The following CADPS variants were observed in gnomAD, a reference collection of about 807,000 sequenced individuals.
CADPS encodes the protein calcium-dependent secretion activator 1.
In CADPS, 57 loss-of-function variants were observed where a neutral mutation model predicts 167.3. The observed-to-expected ratio is 0.34, with a 90% CI of 0.28 to 0.42. CADPS has a LOEUF of 0.42. Among genes scored for constraint, CADPS ranks in the 20% least tolerant of loss-of-function variants. The pLI, the probability that CADPS is intolerant of heterozygous loss-of-function variation, is 1.00. For missense variants in CADPS, 1,414 were observed against 1,738.1 expected, an observed-to-expected ratio of 0.81 and a Z score of 3.32; for synonymous variants, 676 against 635.3, an observed-to-expected ratio of 1.06 and a Z score of -0.96.
chr3:62,794,419 T>C (rs946352836), intron 1 of CADPS, among the ~76,000 whole-genome samples: 11 of 152,154 alleles, frequency 7.2e-5, no homozygotes, highest in African/African-American at 2.7e-4. Context: ...CTGTCTCCAC[T>C]ATACAGATGA....
At position 62,471,445 on chromosome 3, in the gene CADPS, A is replaced by G. The variant is rs574960858; in HGVS notation, c.3477+2728T>C. On this transcript the variant is annotated intron_variant, in intron 24 of 29. Transcript: ENST00000383710. ...TTTTTTTCCCCTGAGAAATGGCTCCATACCTTTTTTTATATTCTCAGTGAA... is the reference window on the plus strand; with the variant it reads ...TTTTTTTCCCCTGAGAAATGGCTCCGTACCTTTTTTTATATTCTCAGTGAA... Among the ~76,000 whole-genome samples the G allele has an allele frequency of 3.9e-5, 6 of 152,270 alleles. No homozygotes were observed. In the East Asian group the frequency reaches 9.7e-4, roughly 25 times the overall value.
chr3:62,493,648 T>G lies in CADPS; in HGVS notation c.2724A>C (p.Gly908=), dbSNP rs886371726. The G allele has an allele frequency of 1.3e-6, 2 of 1,555,692 alleles. No homozygotes were observed. Among genetic ancestry groups the G allele is most frequent in the Non-Finnish European group, 1.7e-6 (2 of 1,148,312 alleles). ...EHHAEPHVDK[G]EAFAWWSDLM... is the part of the protein sequence containing the mutation. ...CACGAGATTTCACTTTACTTACTTC[T>G]CCTTTATCAACATGTGGCTGGTTTG... is the stretch of plus-strand genomic sequence containing the variant. Residue 908 remains glycine, a synonymous_variant, in exon 19 of 30, where the codon GGA becomes GGC. Transcript: ENST00000383710.
intron 18 of CADPS, among the ~76,000 whole-genome samples, chr3:62,497,305 C>A (rs2064979820): frequency 6.6e-6 from 1 of 152,136 alleles, no homozygotes; most frequent in Non-Finnish European, 1.5e-5. Context: ...CTTAAAAGCA[C>A]AATTGTGACT....
At chr3:62,776,362 C>T (rs1242684366) in intron 1 of CADPS, among the ~76,000 whole-genome samples, 1 of 152,138 alleles carries the variant, frequency 6.6e-6, no homozygotes, top group Admixed American at 6.5e-5. Context: ...GGTTTAAGAA[C>T]ATGCAGAATT....
intron 8 of CADPS, among the ~76,000 whole-genome samples, chr3:62,584,840 T>C (rs1291665411): frequency 6.6e-6 from 1 of 152,244 alleles, no homozygotes; most frequent in African/African-American, 2.4e-5. Flanking sequence ...GTGAGTCATA[T>C]GCAGAGTTTG....
chr3:62,861,715 G>A (rs1020057667), intron 1 of CADPS, among the ~76,000 whole-genome samples: 7 of 152,140 alleles, frequency 4.6e-5, no homozygotes, highest in Non-Finnish European at 8.8e-5. Context: ...GTTCTCCATT[G>A]CCTACAGTGT....
chr3:62,756,568 G>A (rs2083972748), intron 2 of CADPS, among the ~76,000 whole-genome samples: 1 of 152,158 alleles, frequency 6.6e-6, no homozygotes, highest in South Asian at 2.1e-4. Context: ...GAGTCCAACT[G>A]ACATAATCCT....
intron 8 of CADPS, among the ~76,000 whole-genome samples, chr3:62,575,041 T>C (rs981934791): frequency 5.9e-5 from 9 of 152,328 alleles, no homozygotes; most frequent in African/African-American, 1.7e-4. Context: ...ACTAGCAAGA[T>C]TGTAACAGCC....
chr3:62,492,578 A>C, intron 19 of CADPS, 132 bp from the exon 20 acceptor site: 2 of 886,534 alleles, frequency 2.3e-6, no homozygotes, highest in Non-Finnish European at 3.6e-6. Context: ...TTTATTGTAA[A>C]GAGAACAGAA....
At chr3:62,679,134 T>C (rs1490701301) in intron 3 of CADPS, among the ~76,000 whole-genome samples, 1 of 151,974 alleles carries the variant, frequency 6.6e-6, no homozygotes, top group Admixed American at 6.6e-5. Context: ...CTGTTGAAAG[T>C]CTGCTTTGCA....
chr3:62,779,831 A>G (rs1041658181), intron 1 of CADPS: 1 of 239,542 alleles, frequency 4.2e-6, no homozygotes, highest in Non-Finnish European at 8.3e-6. Flanking sequence ...TTTTCAATGC[A>G]GTTTTAGAAG....
At chr3:62,711,483 C>T (rs2083381225) in intron 3 of CADPS, among the ~76,000 whole-genome samples, 1 of 152,216 alleles carries the variant, frequency 6.6e-6, no homozygotes, top group African/African-American at 2.4e-5. Context: ...AATTCATAGA[C>T]TCCTCCAAAA....
chr3:62,711,942 A>G (rs1343959168), intron 3 of CADPS, among the ~76,000 whole-genome samples: 2 of 152,350 alleles, frequency 1.3e-5, no homozygotes, highest in Non-Finnish European at 2.9e-5. Context: ...TAAAACATCT[A>G]GAAATACATA....
At chr3:62,678,562 C>T (rs147679740) in intron 3 of CADPS, among the ~76,000 whole-genome samples, 4 of 152,082 alleles carry the variant, frequency 2.6e-5, no homozygotes, top group African/African-American at 9.6e-5. Context: ...GCAATGAATT[C>T]ATTTTACAGA....
In CADPS at chr3:62,512,781, G is replaced by C. The variant is rs2068116431; in HGVS notation, c.2582-13C>G. The stretch of plus-strand genomic sequence containing the variant: ...TCCTTTTGATTCTCTATTTGAAAGA[G>C]AGAGCACAACAAGGAGAGAAGAGAG... On this transcript the variant is annotated splice_polypyrimidine_tract_variant and intron_variant, in intron 16 of 29. Transcript: ENST00000383710. 2 of 1,603,804 alleles carry C rather than the reference G, an allele frequency of 1.2e-6. No individual in the cohort carries two copies. Among genetic ancestry groups the C allele is most frequent in the Admixed American group, 1.7e-5 (1 of 59,440 alleles).
chr3:62,720,850 C>G (rs2075651164), intron 3 of CADPS, among the ~76,000 whole-genome samples: 1 of 147,712 alleles, frequency 6.8e-6, no homozygotes, highest in Admixed American at 6.8e-5. Flanking sequence ...CAGAGTCTCG[C>G]TCTGTCACCC....
At chr3:62,582,905 G>A (rs1473092416) in intron 8 of CADPS, among the ~76,000 whole-genome samples, 1 of 152,168 alleles carries the variant, frequency 6.6e-6, no homozygotes, top group Non-Finnish European at 1.5e-5. Context: ...GTTTCTAGCA[G>A]AGTGAATGAA....
intron 2 of CADPS, among the ~76,000 whole-genome samples, chr3:62,754,342 TATTTA>T (rs1365558041): frequency 6.6e-6 from 1 of 151,910 alleles, no homozygotes; most frequent in Non-Finnish European, 1.5e-5. Context: ...GCTATTTATT[TATTTA>T]TTTATTTATT....
rs112423113 is a variant in CADPS, at chr3:62,559,975, ATTTT to A, written c.1645-2466_1645-2463del. Among the ~76,000 whole-genome samples the A allele has an allele frequency of 1.8e-4, 25 of 141,510 alleles. 1 individual carries two copies. The Middle Eastern group carries it at 0.029, about 165-fold the overall frequency. 92.8% of individuals were successfully genotyped at this position (141,510 alleles called of 152,430 possible). ...ATTACTACATGGTTTGGGCTTTTTA[ATTTT>A]TTTTTTTTTTTCCTTTTCTATTTCA... On this transcript the variant is annotated intron_variant, in intron 9 of 29. Transcript: ENST00000383710.
Sources: allele counts gnomAD v4.1 joint callset (sites outside exome capture counted in the v4.1 genomes callset), GRCh38; gene constraint gnomAD v4.1.1; transcripts MANE v1.5; gene names NCBI Gene and HGNC (gene_info 2026-07-23, HGNC 2026-07-21).